The following HDHD2 variants were observed in gnomAD, a reference collection of about 807,000 sequenced individuals.
The protein encoded by HDHD2 is haloacid dehalogenase like hydrolase domain containing 2.
In HDHD2, 26 loss-of-function variants were observed where a neutral mutation model predicts 24.8. That is an observed-to-expected ratio of 1.05 (90% CI 0.77 to 1.45). The LOEUF (loss-of-function observed/expected upper bound fraction) is 1.45, where lower values mean the gene tolerates loss of function less well. HDHD2 is among the 40% of genes most tolerant of loss of function. The pLI, the probability that HDHD2 is intolerant of heterozygous loss-of-function variation, is 0.00. For synonymous variants in HDHD2, 128 were observed against 114.9 expected (o/e 1.11, Z -0.73); for missense variants, 299 against 313.4 (o/e 0.95, Z 0.35).
intron 6 of HDHD2, among the ~76,000 whole-genome samples, chr18:47,112,647 G>T (rs942876684): frequency 1.3e-5 from 2 of 152,172 alleles, no homozygotes; most frequent in Non-Finnish European, 2.9e-5. Context: ...AAAATAAAAG[G>T]TATTTTCACA....
intron 4 of HDHD2, among the ~76,000 whole-genome samples, chr18:47,123,911 A>C (rs899645587): frequency 6.6e-6 from 1 of 152,324 alleles, no homozygotes; most frequent in African/African-American, 2.4e-5. Context: ...AATAGCCAAG[A>C]CAATCTTAAA....
intron 6 of HDHD2, chr18:47,110,301 AG>A (rs2063505293): frequency 2.0e-6 from 2 of 985,298 alleles, no homozygotes; most frequent in African/African-American, 3.5e-5. Context: ...AAATGTACAA[AG>A]GTAATTAATA....
At chr18:47,149,442 A>C (rs181970924) in intron 1 of HDHD2, among the ~76,000 whole-genome samples, 5 of 152,210 alleles carry the variant, frequency 3.3e-5, no homozygotes, top group African/African-American at 1.2e-4. Context: ...GCCACTCCCC[A>C]GTTAAAACTC....
intron 6 of HDHD2, among the ~76,000 whole-genome samples, chr18:47,112,629 C>A (rs1337920936): frequency 6.6e-6 from 1 of 152,178 alleles, no homozygotes; most frequent in Non-Finnish European, 1.5e-5. Flanking sequence ...ACAGGTATAG[C>A]CAGCACAAAA....
chr18:47,122,492 T>C (rs890759426), intron 4 of HDHD2, among the ~76,000 whole-genome samples: 7 of 152,106 alleles, frequency 4.6e-5, no homozygotes, highest in Admixed American at 2.6e-4. Context: ...TACCAAAATA[T>C]TCCTTAGGGG....
chr18:47,138,973 T>C lies in HDHD2; in HGVS notation c.-10-2524A>G, dbSNP rs528481870. ...TCATACCTATCCAATGAAGTCTCCA[T>C]TGATAGGGCTCCATGGGGGCTTTTG... On this transcript the variant is annotated intron_variant, in intron 1 of 6. Transcript: ENST00000300605. 1.1e-4 allele frequency among the ~76,000 whole-genome samples: 17 copies of C among 152,258 alleles called. No individual in the cohort carries two copies. The East Asian group carries it at 2.9e-3, about 26-fold the overall frequency.
At chr18:47,148,042 G>A (rs1393303692) in intron 1 of HDHD2, among the ~76,000 whole-genome samples, 1 of 146,830 alleles carries the variant, frequency 6.8e-6, no homozygotes, top group Non-Finnish European at 1.5e-5. Flanking sequence ...AGGCTGGAGT[G>A]CAGTGGCACT....
chr18:47,110,753 A>C lies in HDHD2; in HGVS notation c.677-1968T>G, dbSNP rs572340361. 1.6e-5 allele frequency: 16 copies of C among 985,280 alleles called. No homozygotes were observed. The Admixed American group carries it at 9.2e-4, about 57-fold the overall frequency. The allele number at this position is 985,280 out of a possible 1,614,324, so 61.0% of individuals were successfully genotyped here. A position where few individuals can be genotyped will look rare whatever the true frequency, so the allele number is the denominator to read the frequency against. ...TCATGGATGGATAAATGATGAATGG[A>C]GGGAGAAAACAGGATGCTATGTTGA... On this transcript the variant is annotated intron_variant, in intron 6 of 6. Coordinates refer to ENST00000300605, the MANE Select transcript of HDHD2 (RefSeq NM_032124.5).
intron 6 of HDHD2, among the ~76,000 whole-genome samples, chr18:47,112,090 G>T (rs937804206): frequency 6.6e-6 from 1 of 152,168 alleles, no homozygotes; most frequent in Non-Finnish European, 1.5e-5. Flanking sequence ...GCCATTTGGG[G>T]GCAGCATGCA....
At chr18:47,113,570 A>G (rs187907221) in intron 5 of HDHD2, among the ~76,000 whole-genome samples, 1 of 152,310 alleles carries the variant, frequency 6.6e-6, no homozygotes, top group Non-Finnish European at 1.5e-5. Flanking sequence ...GGAATAACAG[A>G]TCAGTCTGAA....
chr18:47,128,195 G>T (rs117688943), intron 4 of HDHD2, among the ~76,000 whole-genome samples: 1 of 152,164 alleles, frequency 6.6e-6, no homozygotes, highest in East Asian at 1.9e-4. Context: ...GTACTAATTA[G>T]ACAGCATCCG....
chr18:47,127,566 G>T (rs1156958436), intron 4 of HDHD2, among the ~76,000 whole-genome samples: 1 of 151,986 alleles, frequency 6.6e-6, no homozygotes, highest in African/African-American at 2.4e-5. Flanking sequence ...TGACTTGTTT[G>T]TCTTCCTCCT....
chr18:47,128,718 T>G (rs529438049), intron 4 of HDHD2, among the ~76,000 whole-genome samples: 6 of 152,350 alleles, frequency 3.9e-5, no homozygotes, highest in African/African-American at 9.6e-5. Context: ...CATTAAGTAG[T>G]TGTGGTTTCC....
chr18:47,113,114 A>C (rs2063529237), intron 5 of HDHD2, 74 bp from the exon 6 acceptor site: 1 of 1,264,146 alleles, frequency 7.9e-7, no homozygotes, highest in South Asian at 1.2e-5. Context: ...CAACTGATTT[A>C]TTAGGCTAGG....
At position 47,130,292 on chromosome 18, in the gene HDHD2, C is replaced by A; in HGVS notation, c.347G>T (p.Gly116Val). Residue 116 changes from glycine to valine, a missense_variant, in exon 4 of 7, where the codon GGA becomes GTA. Coordinates refer to ENST00000300605, the MANE Select transcript of HDHD2 (RefSeq NM_032124.5). Reference sequence around the variant, plus strand: ...ATAATGAAAATGTTCTGGTGCCAATCCCATGACCACAGCATTAGGATCACT... The same window carrying A: ...ATAATGAAAATGTTCTGGTGCCAATACCATGACCACAGCATTAGGATCACT... The part of the protein sequence containing the change: ...QTSDPNAVVM[G>V]LAPEHFHYQI... 1 of 1,608,280 alleles carries A rather than the reference C, an allele frequency of 6.2e-7. No individual in the cohort carries two copies.
At chr18:47,148,387 C>T (rs1386557076) in intron 1 of HDHD2, among the ~76,000 whole-genome samples, 1 of 152,192 alleles carries the variant, frequency 6.6e-6, no homozygotes, top group Admixed American at 6.5e-5. Context: ...ACTATAAAGG[C>T]TTCAAAGGTA....
chr18:47,132,276 A>G (rs563415288), intron 3 of HDHD2, among the ~76,000 whole-genome samples: 1 of 152,284 alleles, frequency 6.6e-6, no homozygotes, highest in Non-Finnish European at 1.5e-5. Flanking sequence ...ACTTTTCATC[A>G]TTATTTAATT....
intron 5 of HDHD2, 128 bp from the exon 6 acceptor site, chr18:47,113,168 G>A (rs2063529755): frequency 1.3e-6 from 1 of 770,860 alleles, no homozygotes. Context: ...ATAGAAAAGA[G>A]AAGATGTAAA....
chr18:47,113,787 A>G (rs569375291), intron 5 of HDHD2, among the ~76,000 whole-genome samples: 2 of 152,274 alleles, frequency 1.3e-5, no homozygotes, highest in African/African-American at 2.4e-5. Flanking sequence ...ATATTGTTCA[A>G]CAACAGCCCT....
Sources: gnomAD v4.1 joint callset for allele counts (sites outside exome capture counted in the v4.1 genomes callset) on GRCh38, gnomAD v4.1.1 for gene constraint, MANE v1.5 for transcripts, NCBI Gene and HGNC (gene_info 2026-07-23, HGNC 2026-07-21) for gene names.